The following CDH18 variants were observed in gnomAD, a reference collection of about 807,000 sequenced individuals.
The protein encoded by CDH18 is cadherin 18.
A neutral mutation model predicts 67.9 loss-of-function variants in CDH18; 31 were observed. The observed-to-expected ratio is 0.46, with a 90% CI of 0.34 to 0.62. The LOEUF is 0.62. Among genes scored for constraint, CDH18 ranks in the 20% least tolerant of loss-of-function variants. The pLI, the probability that CDH18 is intolerant of heterozygous loss-of-function variation, is 0.01. For missense variants in CDH18, 890 were observed against 975.5 expected (o/e 0.91, Z 1.17); for synonymous variants, 362 against 347.2 (o/e 1.04, Z -0.48).
At chr5:19,921,398 G>A (rs984429725) in intron 2 of CDH18, among the ~76,000 whole-genome samples, 1 of 151,982 alleles carries the variant, frequency 6.6e-6, no homozygotes, top group African/African-American at 2.4e-5. Flanking sequence ...AGGAGTGGTG[G>A]CGGGCACCTG....
chr5:19,988,618 G>A (rs1799792741), upstream of CDH18, among the ~76,000 whole-genome samples: 1 of 152,082 alleles, frequency 6.6e-6, no homozygotes, highest in Admixed American at 6.6e-5. Context: ...AAACTGGGGA[G>A]CGAGAGGGGT....
intron 5 of CDH18, among the ~76,000 whole-genome samples, chr5:19,711,650 T>TAAAAAA (rs3062941): frequency 8.8e-4 from 101 of 115,336 alleles, no homozygotes; most frequent in East Asian, 1.7e-3. Context: ...TAGTATAAAG[T>TAAAAAA]AAAAAAAAAA....
chr5:20,506,416 C>A (rs889722304), intron 1 of CDH18, among the ~76,000 whole-genome samples: 1 of 152,222 alleles, frequency 6.6e-6, no homozygotes, highest in Non-Finnish European at 1.5e-5. Flanking sequence ...AATAGGGAAC[C>A]TCAATGGCAA....
chr5:20,310,300 T>G (rs1029808907), intron 1 of CDH18, among the ~76,000 whole-genome samples: 1 of 152,218 alleles, frequency 6.6e-6, no homozygotes, highest in Non-Finnish European at 1.5e-5. Context: ...AATTTAATAA[T>G]GTAAAATATA....
At chr5:20,150,893 T>G (rs1033427776) in intron 2 of CDH18, among the ~76,000 whole-genome samples, 3 of 152,116 alleles carry the variant, frequency 2.0e-5, no homozygotes, top group African/African-American at 7.2e-5. Flanking sequence ...TTGTAATTTT[T>G]GTTATGCCTT....
At chr5:20,539,809 A>G (rs774429429) in intron 1 of CDH18, among the ~76,000 whole-genome samples, 26 of 151,764 alleles carry the variant, frequency 1.7e-4, no homozygotes, top group Non-Finnish European at 3.5e-4. Flanking sequence ...AAACACAACC[A>G]TGAAGTAATT....
intron 10 of CDH18, among the ~76,000 whole-genome samples, chr5:19,511,053 C>A (rs916457918): frequency 6.6e-6 from 1 of 152,136 alleles, no homozygotes; most frequent in Non-Finnish European, 1.5e-5. Flanking sequence ...CTCAGATGAT[C>A]TGCCTGCCTT....
intron 1 of CDH18, among the ~76,000 whole-genome samples, chr5:20,390,626 C>T (rs1744763654): frequency 6.6e-6 from 1 of 152,132 alleles, no homozygotes; most frequent in Non-Finnish European, 1.5e-5. Flanking sequence ...ACCCAGCCAT[C>T]CCATTACTGG....
chr5:20,187,327 C>A (rs902793949), intron 2 of CDH18, among the ~76,000 whole-genome samples: 5 of 151,292 alleles, frequency 3.3e-5, no homozygotes, highest in Non-Finnish European at 7.4e-5. Flanking sequence ...TAATATTAGG[C>A]AAAAAAATGT....
At chr5:20,308,485 G>A (rs1273381352) in intron 1 of CDH18, among the ~76,000 whole-genome samples, 2 of 151,686 alleles carry the variant, frequency 1.3e-5, no homozygotes, top group African/African-American at 4.8e-5. Flanking sequence ...GGAGGTTGCA[G>A]TGAGTGGAGA....
intron 2 of CDH18, among the ~76,000 whole-genome samples, chr5:20,223,088 A>G (rs1235365346): frequency 6.6e-6 from 1 of 152,006 alleles, no homozygotes; most frequent in South Asian, 2.1e-4. Flanking sequence ...TTATCATGTC[A>G]TTTCTGGAAA....
intron 2 of CDH18, among the ~76,000 whole-genome samples, chr5:20,161,098 C>T (rs1031539411): frequency 1.9e-4 from 29 of 152,124 alleles, no homozygotes; most frequent in African/African-American, 7.0e-4. Flanking sequence ...ATAATTACAA[C>T]TTGGCCATTT....
chr5:19,985,104 A>C (rs1011656594), intron 1 of CDH18, among the ~76,000 whole-genome samples: 1 of 152,118 alleles, frequency 6.6e-6, no homozygotes, highest in Admixed American at 6.5e-5. Context: ...CATTTATACT[A>C]TCTCTCAGTT....
At chr5:19,676,719 C>G (rs1759536038) in intron 5 of CDH18, among the ~76,000 whole-genome samples, 1 of 151,918 alleles carries the variant, frequency 6.6e-6, no homozygotes, top group African/African-American at 2.4e-5. Context: ...AACATACATA[C>G]AACTTCTTAA....
chr5:19,771,129 G>A (rs1773680544), intron 3 of CDH18, among the ~76,000 whole-genome samples: 1 of 152,170 alleles, frequency 6.6e-6, no homozygotes, highest in South Asian at 2.1e-4. Flanking sequence ...AGGTGTCAGA[G>A]GGCAGTCTCT....
intron 3 of CDH18, among the ~76,000 whole-genome samples, chr5:19,778,542 T>C (rs865812126): frequency 1.3e-5 from 2 of 152,290 alleles, no homozygotes; most frequent in South Asian, 4.1e-4. Flanking sequence ...TCTCTGTATC[T>C]CTGTATCCTA....
intron 1 of CDH18, among the ~76,000 whole-genome samples, chr5:20,555,383 G>GCCAGAACCA (rs540246075): frequency 3.8e-4 from 42 of 110,040 alleles, no homozygotes; most frequent in African/African-American, 1.6e-3. Flanking sequence ...GCTAAGACAA[G>GCCAGAACCA]CCAGAACCAC....
intron 1 of CDH18, among the ~76,000 whole-genome samples, chr5:20,463,786 G>C (rs1751442979): frequency 6.6e-6 from 1 of 152,118 alleles, no homozygotes; most frequent in South Asian, 2.1e-4. Flanking sequence ...CCGTCTATTT[G>C]TTCTACTCAG....
At chr5:20,230,338 T>C (rs955514273) in intron 2 of CDH18, among the ~76,000 whole-genome samples, 2 of 152,172 alleles carry the variant, frequency 1.3e-5, no homozygotes, top group Admixed American at 6.5e-5. Flanking sequence ...TCTGGGCCTA[T>C]GAAATACTGG....
Sources: gnomAD v4.1 joint callset for allele counts (sites outside exome capture counted in the v4.1 genomes callset) on GRCh38, gnomAD v4.1.1 for gene constraint, MANE v1.5 for transcripts, NCBI Gene and HGNC (gene_info 2026-07-23, HGNC 2026-07-21) for gene names.